CLSTN2: variants seen among roughly 807,000 people sequenced by gnomAD.
The protein encoded by CLSTN2 is calsyntenin-2.
In CLSTN2, 48 loss-of-function variants were observed where a neutral mutation model predicts 101.2. That is an observed-to-expected ratio of 0.47 (90% CI 0.38 to 0.60). The LOEUF is 0.60. Among genes scored for constraint, CLSTN2 ranks in the 20% least tolerant of loss-of-function variants. CLSTN2 has a pLI of 0.00. For synonymous variants in CLSTN2, 481 were observed against 463.6 expected (o/e 1.04, Z -0.48); for missense variants, 1,160 against 1,238.2 (o/e 0.94, Z 0.95).
At chr3:140,173,243 G>A (rs1001432697) in intron 1 of CLSTN2, among the ~76,000 whole-genome samples, 19 of 152,222 alleles carry the variant, frequency 1.2e-4, no homozygotes, top group African/African-American at 4.6e-4. Context: ...GCCCATGCAA[G>A]TCCAAAATCC....
In CLSTN2 at chr3:140,448,624, T is replaced by A. The variant is rs370218628; in HGVS notation, c.893T>A (p.Val298Asp). 2 of 1,614,124 alleles carry A rather than the reference T, an allele frequency of 1.2e-6. No homozygotes were observed. Among genetic ancestry groups the A allele is most frequent in the Non-Finnish European group, 1.7e-6 (2 of 1,179,992 alleles). The stretch of plus-strand genomic sequence containing the variant: ...GGAGCCGTGTCTTCCCTCCAGATCG[T>A]CACAGAGCTGCAGACTAATTACATT... ...CDGAVSSLQI[V>D]TELQTNYIGK... Residue 298 changes from valine (V) to aspartate (D), a missense_variant, in exon 6 of 17, where the codon GTC becomes GAC. Coordinates refer to ENST00000458420, the MANE Select transcript of CLSTN2 (RefSeq NM_022131.3).
chr3:140,102,352 G>T (rs767945433), intron 1 of CLSTN2, among the ~76,000 whole-genome samples: 1 of 152,200 alleles, frequency 6.6e-6, no homozygotes, highest in Non-Finnish European at 1.5e-5. Context: ...ATGATTTGGG[G>T]GCAAGAAGCC....
intron 1 of CLSTN2, among the ~76,000 whole-genome samples, chr3:140,042,367 G>A (rs182793207): frequency 1.1e-3 from 160 of 152,238 alleles, no homozygotes; most frequent in African/African-American, 3.5e-3. Flanking sequence ...ACTCAGTACC[G>A]TGTTGTCAAG....
chr3:140,460,578 T>A (rs1397724037), intron 7 of CLSTN2, among the ~76,000 whole-genome samples: 1 of 152,198 alleles, frequency 6.6e-6, no homozygotes, highest in Admixed American at 6.5e-5. Flanking sequence ...ATTTTAAGGA[T>A]AAAACATTCC....
intron 1 of CLSTN2, among the ~76,000 whole-genome samples, chr3:140,056,959 A>C (rs771986497): frequency 3.9e-5 from 6 of 152,106 alleles, no homozygotes; most frequent in Non-Finnish European, 7.4e-5. Flanking sequence ...TGACTTGTGA[A>C]TCTCCCTTGC....
At chr3:139,948,388 C>T (rs949381690) in intron 1 of CLSTN2, among the ~76,000 whole-genome samples, 5 of 151,778 alleles carry the variant, frequency 3.3e-5, no homozygotes, top group Non-Finnish European at 5.9e-5. Context: ...TCACTTGAAT[C>T]TGGGAGGCAG....
chr3:140,061,339 CTG>C (rs1238090518), intron 1 of CLSTN2, among the ~76,000 whole-genome samples: 2 of 152,208 alleles, frequency 1.3e-5, no homozygotes, highest in East Asian at 1.9e-4. Context: ...CTCTATAACA[CTG>C]TGTAAATGAG....
At chr3:139,943,533 C>T (rs1560049645) in intron 1 of CLSTN2, among the ~76,000 whole-genome samples, 1 of 152,160 alleles carries the variant, frequency 6.6e-6, no homozygotes, top group African/African-American at 2.4e-5. Context: ...GTTATTACTG[C>T]TTGTGATGCC....
At chr3:140,185,404 C>A (rs1185299163) in intron 2 of CLSTN2, among the ~76,000 whole-genome samples, 1 of 152,148 alleles carries the variant, frequency 6.6e-6, no homozygotes, top group Non-Finnish European at 1.5e-5. Flanking sequence ...CAACAAGCTC[C>A]AAGCTTAAAG....
At chr3:140,420,038 G>T (rs71619381) in intron 4 of CLSTN2, among the ~76,000 whole-genome samples, 1 of 148,428 alleles carries the variant, frequency 6.7e-6, no homozygotes, top group African/African-American at 2.5e-5. Context: ...GAGTACAGAT[G>T]TGTACCATCA....
At chr3:140,309,498 T>C (rs908859576) in intron 2 of CLSTN2, among the ~76,000 whole-genome samples, 1 of 152,000 alleles carries the variant, frequency 6.6e-6, no homozygotes, top group African/African-American at 2.4e-5. Flanking sequence ...GTGGGGCTAG[T>C]CTTACCAATA....
In CLSTN2 at chr3:140,354,287, G is replaced by A. The variant is rs542164967; in HGVS notation, c.233-49342G>A. ...ACTCAAGGGCACTGTAACTCCACCT[G>A]GGAGTGCACCTCCTGTTTGTTTATC... On this transcript the variant is annotated intron_variant, in intron 2 of 16. Transcript: ENST00000458420. Among the ~76,000 whole-genome samples, 4 of 152,282 alleles carry A rather than the reference G, an allele frequency of 2.6e-5. No individual in the cohort carries two copies. In the East Asian group the frequency reaches 7.7e-4, roughly 29 times the overall value.
intron 8 of CLSTN2, among the ~76,000 whole-genome samples, chr3:140,513,894 T>C (rs1934866788): frequency 6.6e-6 from 1 of 152,044 alleles, no homozygotes; most frequent in East Asian, 1.9e-4. Flanking sequence ...TGGAAATTTA[T>C]AGTATTCTCT....
At chr3:140,379,335 G>T (rs2087954222) in intron 2 of CLSTN2, among the ~76,000 whole-genome samples, 1 of 152,204 alleles carries the variant, frequency 6.6e-6, no homozygotes, top group African/African-American at 2.4e-5. Context: ...TACCCTAGGA[G>T]ACTGATCCAG....
chr3:140,464,664 C>A (rs1255685543), intron 7 of CLSTN2, among the ~76,000 whole-genome samples: 1 of 152,224 alleles, frequency 6.6e-6, no homozygotes, highest in East Asian at 1.9e-4. Context: ...GCCCCAACCT[C>A]TCCTAACTCC....
chr3:140,252,261 A>C (rs2086570649), intron 2 of CLSTN2, among the ~76,000 whole-genome samples: 1 of 152,150 alleles, frequency 6.6e-6, no homozygotes, highest in South Asian at 2.1e-4. Flanking sequence ...CAGGGTAGGG[A>C]GCAAACTCCA....
chr3:139,994,963 T>TG, intron 1 of CLSTN2, among the ~76,000 whole-genome samples: 1 of 152,344 alleles, frequency 6.6e-6, no homozygotes, highest in South Asian at 2.1e-4. Flanking sequence ...CAAAAGACTT[T>TG]GGCTTTAAAC....
intron 8 of CLSTN2, among the ~76,000 whole-genome samples, chr3:140,493,705 T>A (rs1934394829): frequency 6.6e-6 from 1 of 152,240 alleles, no homozygotes; most frequent in Admixed American, 6.5e-5. Flanking sequence ...TGCTAGGATC[T>A]GCTCTACGAG....
At chr3:140,212,585 C>A (rs1017264320) in intron 2 of CLSTN2, among the ~76,000 whole-genome samples, 2 of 151,566 alleles carry the variant, frequency 1.3e-5, no homozygotes, top group African/African-American at 2.4e-5. Context: ...TGGCTCCCCT[C>A]TGCTTTTAGG....
Sources: gnomAD v4.1 joint callset for allele counts (sites outside exome capture counted in the v4.1 genomes callset) on GRCh38, gnomAD v4.1.1 for gene constraint, MANE v1.5 for transcripts, NCBI Gene and HGNC (gene_info 2026-07-23, HGNC 2026-07-21) for gene names.